Variants in ART3 observed in about 807,000 individuals in gnomAD.
The protein encoded by ART3 is ADP-ribosyltransferase 3 (inactive).
In ART3, 49 loss-of-function variants were observed where a neutral mutation model predicts 48.5. That is an observed-to-expected ratio of 1.01 (90% CI 0.80 to 1.28). ART3 has a LOEUF of 1.28. Among genes scored for constraint, ART3 ranks in the 50% most tolerant of loss-of-function variants. ART3 has a pLI of 0.00. For missense variants in ART3, 438 were observed against 454.3 expected (o/e 0.96, Z 0.33); for synonymous variants, 145 against 157.2 (o/e 0.92, Z 0.58).
chr4:76,020,052 A>G (rs749314157), intron 1 of ART3, among the ~76,000 whole-genome samples: 9 of 151,204 alleles, frequency 6.0e-5, no homozygotes, highest in Non-Finnish European at 8.8e-5. Flanking sequence ...GAGGTTGAAC[A>G]TCTTTGTATG....
intron 2 of ART3, among the ~76,000 whole-genome samples, chr4:76,081,312 T>C (rs1002809332): frequency 6.6e-6 from 1 of 152,220 alleles, no homozygotes; most frequent in Admixed American, 6.5e-5. Flanking sequence ...AGACTTTAGA[T>C]CACCTGCTTA....
chr4:76,023,111 C>T (rs1733029721), intron 1 of ART3, among the ~76,000 whole-genome samples: 1 of 152,222 alleles, frequency 6.6e-6, no homozygotes, highest in South Asian at 2.1e-4. Context: ...TCCGCATTCC[C>T]TCACATTTTC....
chr4:76,064,420 G>A (rs1719514900), intron 1 of ART3, among the ~76,000 whole-genome samples: 1 of 152,178 alleles, frequency 6.6e-6, no homozygotes, highest in Admixed American at 6.5e-5. Flanking sequence ...ACATAAAAAT[G>A]TTTTGTTTTG....
intron 2 of ART3, among the ~76,000 whole-genome samples, chr4:76,078,991 G>C (rs921451314): frequency 1.3e-5 from 2 of 152,124 alleles, no homozygotes; most frequent in African/African-American, 2.4e-5. Context: ...TGAAGCGGGA[G>C]AATGGCGTGA....
At chr4:76,015,889 A>G (rs927152067) in intron 1 of ART3, among the ~76,000 whole-genome samples, 5 of 152,238 alleles carry the variant, frequency 3.3e-5, no homozygotes, top group Admixed American at 3.3e-4. Context: ...TTGGCCTCCT[A>G]GAGTGCTGGG....
intron 1 of ART3, among the ~76,000 whole-genome samples, chr4:76,046,813 G>A (rs1735548320): frequency 6.6e-6 from 1 of 152,072 alleles, no homozygotes; most frequent in Non-Finnish European, 1.5e-5. Flanking sequence ...TACAACTGAG[G>A]ATGTGGGAGA....
At chr4:76,053,461 G>A (rs1202051828) in intron 1 of ART3, among the ~76,000 whole-genome samples, 4 of 151,884 alleles carry the variant, frequency 2.6e-5, no homozygotes, top group African/African-American at 9.7e-5. Flanking sequence ...ACCTGGCAAA[G>A]CACAGTATAT....
upstream of ART3, among the ~76,000 whole-genome samples, chr4:76,072,798 C>T (rs12511359): frequency 0.18 from 27,052 of 151,464 alleles, 3,776 homozygotes; most frequent in African/African-American, 0.39. Context: ...ACCATATTGG[C>T]CTGCTTACTA....
intron 1 of ART3, among the ~76,000 whole-genome samples, chr4:76,046,748 G>A (rs1191855395): frequency 6.6e-6 from 1 of 151,980 alleles, no homozygotes. Context: ...TAATAAGGGT[G>A]TGGGACTTTC....
intron 1 of ART3, chr4:76,022,935 C>T: frequency 9.9e-7 from 1 of 1,008,044 alleles, no homozygotes; most frequent in Non-Finnish European, 1.5e-6. Flanking sequence ...GTCACTTAAT[C>T]TGAGGAGGAA....
chr4:76,043,365 C>T (rs1375204195), intron 1 of ART3, among the ~76,000 whole-genome samples: 1 of 151,988 alleles, frequency 6.6e-6, no homozygotes, highest in African/African-American at 2.4e-5. Context: ...GTCAGGGAGG[C>T]TCGGGCCACA....
intron 1 of ART3, among the ~76,000 whole-genome samples, chr4:76,056,212 T>C (rs1484651844): frequency 6.6e-6 from 1 of 152,232 alleles, no homozygotes; most frequent in East Asian, 1.9e-4. Context: ...AGGTGTTATC[T>C]CTCTGCTCAT....
intron 1 of ART3, 132 bp downstream of exon 1, chr4:76,074,951 A>G (rs1296402037): frequency 6.6e-6 from 1 of 152,168 alleles, no homozygotes; most frequent in Non-Finnish European, 1.5e-5. Context: ...TCTTTTTTGG[A>G]AAGAGAAGTT....
intron 1 of ART3, 28 bp downstream of exon 1, chr4:76,074,847 G>C (rs935879038): frequency 3.9e-5 from 6 of 152,154 alleles, no homozygotes; most frequent in South Asian, 2.1e-4. Context: ...TTTACACTCA[G>C]ACTAAAGAAA....
intron 2 of ART3, 137 bp from the exon 3 acceptor site, chr4:76,081,686 TA>T: frequency 2.5e-6 from 2 of 794,142 alleles, no homozygotes; most frequent in Non-Finnish European, 4.1e-6. Context: ...ACTTCCTGCA[TA>T]AAAACCTACC....
chr4:76,097,790 C>A, intron 4 of ART3, 114 bp downstream of exon 4: 1 of 871,374 alleles, frequency 1.1e-6, no homozygotes, highest in Non-Finnish European at 1.8e-6. Flanking sequence ...ACATCATTTT[C>A]TCAAGGCTAA....
chr4:76,049,282 C>T (rs12651402), intron 1 of ART3, among the ~76,000 whole-genome samples: 31,572 of 151,726 alleles, frequency 0.21, 4,268 homozygotes, highest in East Asian at 0.4. Flanking sequence ...AGAAGACAGG[C>T]GAGAGGAAGT....
chr4:76,021,559 A>G (rs968427234), intron 1 of ART3: 4 of 215,348 alleles, frequency 1.9e-5, no homozygotes, highest in Non-Finnish European at 3.7e-5. Context: ...CCTTTTAGTT[A>G]TTTGAGATTC....
At chr4:76,080,739 G>C (rs2149548578) in intron 2 of ART3, among the ~76,000 whole-genome samples, 1 of 152,202 alleles carries the variant, frequency 6.6e-6, no homozygotes, top group East Asian at 1.9e-4. Context: ...TTGAACTCCT[G>C]ACCTCATGAT....
Sources: allele counts gnomAD v4.1 joint callset (sites outside exome capture counted in the v4.1 genomes callset), GRCh38; gene constraint gnomAD v4.1.1; transcripts MANE v1.5; gene names NCBI Gene and HGNC (gene_info 2026-07-23, HGNC 2026-07-21).